ACSM2A: variants seen among roughly 807,000 people sequenced by gnomAD.
ACSM2A encodes acyl-CoA synthetase medium chain family member 2A.
In ACSM2A, 72 loss-of-function variants were observed where a neutral mutation model predicts 76.6. The observed-to-expected ratio is 0.94, with a 90% CI of 0.78 to 1.14. The LOEUF (loss-of-function observed/expected upper bound fraction) is 1.14, where lower values mean the gene tolerates loss of function less well. Among genes scored for constraint, ACSM2A ranks in the 50% most tolerant of loss-of-function variants. ACSM2A has a pLI of 0.00. For missense variants in ACSM2A, 684 were observed against 708.5 expected (o/e 0.97, Z 0.39); for synonymous variants, 249 against 255.9 (o/e 0.97, Z 0.26).
At chr16:20,483,221 A>T in intron 13 of ACSM2A, 44 bp downstream of exon 13, 1 of 1,605,496 alleles carries the variant, frequency 6.2e-7, no homozygotes, top group Non-Finnish European at 8.5e-7. Flanking sequence ...TGAGAAATAG[A>T]TTGTTTTCCT....
chr16:20,465,599 G>C lies in ACSM2A; in HGVS notation c.260G>C (p.Ser87Thr), dbSNP rs771194992. The C allele has an allele frequency of 6.2e-7, 1 of 1,614,004 alleles. No homozygotes were observed. Among genetic ancestry groups the C allele is most frequent in the African/African-American group, 1.3e-5 (1 of 75,060 alleles). The change falls in exon 3 of 14, where the codon AGT becomes ACT. Residue 87 changes from serine (S) to threonine (T), a missense_variant. Around this residue, in one of 3 missense-constraint regions of ACSM2A, gnomAD observed 519 missense variants for 549.5 expected, o/e 0.94. Transcript: ENST00000573854. ...TTAATGTGGAATTTCAGAGAACTGA[G>C]TGAAAACAGCCAGCAGGCAGCCAAC... ...KELMWNFREL[S>T]ENSQQAANVL...
chr16:20,469,872 ATTTTTTTTTTT>A (rs35674523), intron 4 of ACSM2A, among the ~76,000 whole-genome samples, 153 bp downstream of exon 4: 2 of 67,746 alleles, frequency 3.0e-5, no homozygotes, highest in Admixed American at 3.3e-4. Flanking sequence ...ACACAAGGGT[ATTTTTTTTTTT>A]TTTTTTTTTT....
At chr16:20,458,911 T>TA (rs2012408731) in intron 1 of ACSM2A, among the ~76,000 whole-genome samples, 1 of 59,046 alleles carries the variant, frequency 1.7e-5, no homozygotes, top group African/African-American at 9.3e-5. Flanking sequence ...TATGCATATA[T>TA]ATATATATAT....
chr16:20,459,971 A>C (rs2012503838), intron 1 of ACSM2A, 136 bp from the exon 2 acceptor site: 1 of 1,399,658 alleles, frequency 7.1e-7, no homozygotes, highest in Admixed American at 2.9e-5. Flanking sequence ...GCTGAGTGCC[A>C]ATTTACTCAT....
chr16:20,481,619 A>G (rs938372819), intron 12 of ACSM2A: 1 of 149,184 alleles, frequency 6.7e-6, no homozygotes, highest in African/African-American at 2.5e-5. Flanking sequence ...GAATGGGTAG[A>G]AGCATACAGT....
chr16:20,482,697 T>C (rs2014151781), intron 12 of ACSM2A: 1 of 166,492 alleles, frequency 6.0e-6, no homozygotes, highest in African/African-American at 2.4e-5. Flanking sequence ...TATCCCCACT[T>C]TACAGATGGG....
intron 12 of ACSM2A, 168 bp from the exon 13 acceptor site, chr16:20,482,890 G>C (rs1352791641): frequency 8.9e-7 from 1 of 1,125,186 alleles, no homozygotes; most frequent in Non-Finnish European, 1.2e-6. Flanking sequence ...AGAGAGAGCT[G>C]TAACCTCATT....
Position 20,480,931 on chromosome 16 carries a change from A to C in ACSM2A, c.1509+10A>C, listed in dbSNP as rs1438961639. 2 of 1,613,776 alleles carry C rather than the reference A, an allele frequency of 1.2e-6. No individual in the cohort carries two copies. The highest frequency in any genetic ancestry group is 1.7e-5 in the Admixed American group (1 of 59,994). On this transcript the variant is annotated intron_variant, in intron 12 of 13. Coordinates refer to ENST00000573854, the MANE Select transcript of ACSM2A (RefSeq NM_001308172.2). ...CCCCGTCCGAGGAGAGGTGATGGGGAAGCAGTAGCCTGGGGGTGAACACAT... is the reference window on the plus strand; with the variant it reads ...CCCCGTCCGAGGAGAGGTGATGGGGCAGCAGTAGCCTGGGGGTGAACACAT...
chr16:20,476,220 A>G (rs1426016808), intron 8 of ACSM2A: 3 of 1,000,942 alleles, frequency 3.0e-6, no homozygotes, highest in African/African-American at 3.5e-5. Context: ...AGAACCCACC[A>G]TGACTTTACT....
intron 13 of ACSM2A, among the ~76,000 whole-genome samples, chr16:20,484,787 ATG>A (rs1346770977): frequency 8.5e-5 from 13 of 152,098 alleles, no homozygotes; most frequent in Admixed American, 2.0e-4. Flanking sequence ...TCAGGTATAG[ATG>A]TGTAGGCTGC....
intron 5 of ACSM2A, 78 bp from the exon 6 acceptor site, chr16:20,471,458 C>T (rs1296063057): frequency 3.3e-6 from 5 of 1,530,830 alleles, no homozygotes; most frequent in Non-Finnish European, 4.4e-6. Context: ...CCTCCCTTTC[C>T]TCCCCTACAC....
intron 10 of ACSM2A, among the ~76,000 whole-genome samples, chr16:20,479,095 G>C (rs1254696606): frequency 1.3e-5 from 2 of 152,042 alleles, no homozygotes; most frequent in East Asian, 1.9e-4. Context: ...TCTAGTTGGA[G>C]GAATCCCTAT....
rs146045291 is a variant in ACSM2A at position 20,465,699 on chromosome 16, G to A, written c.360G>A (p.Trp120Ter). 10,961 of 1,613,930 alleles carry A rather than the reference G, an allele frequency of 6.8e-3. 53 individuals are homozygous for A. Among genetic ancestry groups the A allele is most frequent in the Non-Finnish European group, 8.3e-3 (9,848 of 1,179,838 alleles). Residue 120 changes from tryptophan to a stop codon, truncating the protein, a stop_gained, in exon 3 of 14, where the codon TGG (tryptophan) becomes TGA (stop). Transcript: ENST00000573854. LOFTEE classifies it high-confidence loss of function. ...TGCTGCCCCGAGTGCCTGAGTGGTG[G>A]CTGGTGATCCTGGGCTGCATTCGAG... Reference protein sequence around the residue: ...AVVLPRVPEWWLVILGCIRAG... With the variant: ...AVVLPRVPEW
At chr16:20,465,373 A>G (rs7192310) in intron 2 of ACSM2A, 144 bp from the exon 3 acceptor site, 304,029 of 1,079,844 alleles carry the variant, frequency 0.28, 52,785 homozygotes, top group East Asian at 0.81. Flanking sequence ...AGTCTTTAGA[A>G]TTTTCAATAC....
chr16:20,469,952 T>C (rs2013282546), intron 4 of ACSM2A, among the ~76,000 whole-genome samples: 1 of 142,918 alleles, frequency 7.0e-6, no homozygotes, highest in East Asian at 2.2e-4. Context: ...CTGAGCAGCA[T>C]ATAGAATGCC....
Position 20,478,651 on chromosome 16 carries a change from C to A in ACSM2A, c.1255C>A (p.Pro419Thr), listed in dbSNP as rs751907229. 3.7e-6 allele frequency: 6 copies of A among 1,613,356 alleles called. No individual in the cohort carries two copies. In the African/African-American group the frequency reaches 8.0e-5, roughly 22 times the overall value. The part of the protein sequence containing the change: ...DIGIRVKPIR[P>T]IGIFSGYVDN... The stretch of plus-strand genomic sequence containing the variant: ...TGGCATCAGGGTCAAACCCATCAGG[C>A]CTATAGGCATCTTCTCTGGCTATGT... Residue 419 changes from proline (P) to threonine (T), a missense_variant, in exon 10 of 14, where the codon CCT (proline) becomes ACT (threonine). Pro to Thr is a conservative substitution (Grantham distance 38). Coordinates refer to ENST00000573854, the MANE Select transcript of ACSM2A (RefSeq NM_001308172.2).
At chr16:20,459,459 A>G (rs1280034146) in intron 1 of ACSM2A, among the ~76,000 whole-genome samples, 1 of 152,202 alleles carries the variant, frequency 6.6e-6, no homozygotes, top group Non-Finnish European at 1.5e-5. Context: ...AGTAGCTTTT[A>G]GTCATGCATA....
intron 1 of ACSM2A, among the ~76,000 whole-genome samples, chr16:20,458,827 T>C (rs1167440049): frequency 7.0e-6 from 1 of 142,374 alleles, no homozygotes; most frequent in Non-Finnish European, 1.5e-5. Flanking sequence ...TAAACATAAA[T>C]ATATATAAAA....
chr16:20,475,594 T>C (rs890118785), intron 7 of ACSM2A, 56 bp from the exon 8 acceptor site: 9 of 1,612,042 alleles, frequency 5.6e-6, no homozygotes, highest in Non-Finnish European at 7.6e-6. Context: ...AGTCTAGGCC[T>C]GAGTGGACTT....
Sources: allele counts gnomAD v4.1 joint callset (sites outside exome capture counted in the v4.1 genomes callset), GRCh38; gene constraint gnomAD v4.1.1; regional missense constraint gnomAD v4.1.1; transcripts MANE v1.5; gene names NCBI Gene and HGNC (gene_info 2026-07-23, HGNC 2026-07-21).